TMEM232: variants seen among roughly 807,000 people sequenced by gnomAD.
TMEM232 encodes transmembrane protein 232.
Under a neutral mutation model 78.8 loss-of-function variants are expected in TMEM232, and 80 were observed. That is an observed-to-expected ratio of 1.01 (90% CI 0.85 to 1.22). The LOEUF (loss-of-function observed/expected upper bound fraction) is 1.22. TMEM232 is among the 50% of genes most tolerant of loss of function. The probability of loss-of-function intolerance (pLI) is 0.00; values close to 1 mark genes in which losing one functional copy is unlikely to be tolerated. For missense variants in TMEM232, 881 were observed against 742.2 expected (o/e 1.19, Z -2.17); for synonymous variants, 297 against 254.3 (o/e 1.17, Z -1.60).
At chr5:110,461,243 C>T (rs553702714) in intron 12 of TMEM232, among the ~76,000 whole-genome samples, 1 of 150,580 alleles carries the variant, frequency 6.6e-6, no homozygotes, top group South Asian at 2.1e-4. Context: ...CTCTAGTGAG[C>T]ACATGAATGA....
downstream of TMEM232, among the ~76,000 whole-genome samples, chr5:110,416,640 GA>G (rs1275951679): frequency 6.6e-6 from 1 of 152,134 alleles, no homozygotes; most frequent in Non-Finnish European, 1.5e-5. Flanking sequence ...GAAGCAATAT[GA>G]AAAAGGACAC....
At chr5:110,393,075 G>T (rs978365392) in intron 3 of TMEM232, among the ~76,000 whole-genome samples, 3 of 152,142 alleles carry the variant, frequency 2.0e-5, no homozygotes, top group African/African-American at 4.8e-5. Context: ...ATTGATGTTT[G>T]TCTTATAGTA....
chr5:110,434,460 A>G (rs1758194380), intron 12 of TMEM232, among the ~76,000 whole-genome samples: 1 of 151,510 alleles, frequency 6.6e-6, no homozygotes. Context: ...TTGAATAAGT[A>G]ATAATAATAA....
At chr5:110,424,800 A>T in intron 13 of TMEM232, 23 bp downstream of exon 13, 2 of 1,511,020 alleles carry the variant, frequency 1.3e-6, no homozygotes, top group Non-Finnish European at 1.8e-6. Flanking sequence ...TTTTGCTGCT[A>T]GTTAAAAAAA....
chr5:110,633,387 C>G (rs149182822), intron 5 of TMEM232, among the ~76,000 whole-genome samples: 1,526 of 152,174 alleles, frequency 0.01, 34 homozygotes, highest in African/African-American at 0.034. Flanking sequence ...CAGGGACAAA[C>G]AACAAGAGGA....
At chr5:110,716,233 G>A (rs886745972) in intron 1 of TMEM232, among the ~76,000 whole-genome samples, 16 of 152,176 alleles carry the variant, frequency 1.1e-4, no homozygotes, top group East Asian at 1.9e-4. Flanking sequence ...AGGGGGCCCC[G>A]ATCTTTTTGG....
intron 10 of TMEM232, among the ~76,000 whole-genome samples, chr5:110,594,335 C>T (rs2149784685): frequency 6.6e-6 from 1 of 152,258 alleles, no homozygotes; most frequent in South Asian, 2.1e-4. Flanking sequence ...CCCTCCTGTG[C>T]CTATACCACC....
At position 110,571,695 on chromosome 5, in the gene TMEM232, G is replaced by GTT. The variant is rs146028936; in HGVS notation, c.1277-3072_1277-3071dup. 8.8e-4 allele frequency among the ~76,000 whole-genome samples: 128 copies of GTT among 146,144 alleles called. 2 individuals carry two copies. In the South Asian group the frequency reaches 0.022, roughly 25 times the overall value. ...TTTTGTTTGTTTGTTTTGTTTTTTTGTTTTTTTTTTAAATTAGCTGGGCAT... is the reference window on the plus strand; with the variant it reads ...TTTTGTTTGTTTGTTTTGTTTTTTTGTTTTTTTTTTTTAAATTAGCTGGGCAT... On this transcript the variant is annotated intron_variant, in intron 10 of 13. Coordinates refer to ENST00000455884, the MANE Select transcript of TMEM232 (RefSeq NM_001039763.4).
chr5:110,704,293 T>C (rs1048185468), intron 1 of TMEM232, among the ~76,000 whole-genome samples: 2 of 152,058 alleles, frequency 1.3e-5, no homozygotes, highest in African/African-American at 2.4e-5. Flanking sequence ...ACTGTGCAAC[T>C]AAACTTGATA....
At chr5:110,696,296 C>T (rs1177168577) in intron 1 of TMEM232, among the ~76,000 whole-genome samples, 19 of 152,076 alleles carry the variant, frequency 1.2e-4, no homozygotes, top group East Asian at 5.8e-4. Flanking sequence ...ATTGATGGGA[C>T]GTATCTCAAA....
intron 12 of TMEM232, among the ~76,000 whole-genome samples, chr5:110,511,039 C>A (rs1402406848): frequency 6.6e-6 from 1 of 152,126 alleles, no homozygotes; most frequent in Non-Finnish European, 1.5e-5. Context: ...GACTTGGAGA[C>A]AACCCAAATG....
At chr5:110,717,697 G>A (rs1797159751) in intron 1 of TMEM232, among the ~76,000 whole-genome samples, 1 of 152,098 alleles carries the variant, frequency 6.6e-6, no homozygotes, top group African/African-American at 2.4e-5. Context: ...ATCATGGGGT[G>A]GTTTCTTCCA....
At chr5:110,600,351 CA>C (rs369901226) in intron 10 of TMEM232, among the ~76,000 whole-genome samples, 1 of 151,754 alleles carries the variant, frequency 6.6e-6, no homozygotes, top group African/African-American at 2.4e-5. Flanking sequence ...AAAAGTCCTT[CA>C]AAAAAATCAA....
intron 1 of TMEM232, among the ~76,000 whole-genome samples, chr5:110,669,449 A>T (rs2150138559): frequency 6.6e-6 from 1 of 152,344 alleles, no homozygotes; most frequent in East Asian, 1.9e-4. Context: ...GAATCCCTGA[A>T]TAGACCAATA....
At position 110,618,477 on chromosome 5, in the gene TMEM232, A is replaced by G; in HGVS notation, c.854T>C (p.Val285Ala). 1.9e-6 allele frequency: 3 copies of G among 1,551,706 alleles called. No homozygotes were observed. The highest frequency in any genetic ancestry group is 2.6e-6 in the Non-Finnish European group (3 of 1,146,874). ...VQNNSPQLNN[V>A]LEHLVFHKTQ... ...CTTATGGAAGACGAGATGTTCAAGC[A>G]CGTTATTCAACTGAGGACTGTTATT... The change falls in exon 8 of 14, where the codon GTG (valine) becomes GCG (alanine). Residue 285 changes from valine to alanine, a missense_variant. Coordinates refer to ENST00000455884, the MANE Select transcript of TMEM232 (RefSeq NM_001039763.4).
chr5:110,422,640 C>T (rs1038203538), intron 13 of TMEM232, among the ~76,000 whole-genome samples: 6 of 148,662 alleles, frequency 4.0e-5, no homozygotes, highest in African/African-American at 1.5e-4. Flanking sequence ...AGCATCAGTA[C>T]ATATAAAAGC....
chr5:110,695,220 T>C (rs1376301166), intron 1 of TMEM232, among the ~76,000 whole-genome samples: 1 of 152,034 alleles, frequency 6.6e-6, no homozygotes, highest in African/African-American at 2.4e-5. Context: ...CATAAAGAAA[T>C]GAAGGCAGAA....
chr5:110,672,148 G>C (rs563487667), intron 1 of TMEM232, among the ~76,000 whole-genome samples: 3 of 152,148 alleles, frequency 2.0e-5, no homozygotes, highest in African/African-American at 7.2e-5. Context: ...ATATTTCACA[G>C]AGTTGGCTAT....
At chr5:110,618,604 T>A in intron 7 of TMEM232, 42 bp from the exon 8 acceptor site, 1 of 1,507,010 alleles carries the variant, frequency 6.6e-7, no homozygotes, top group Non-Finnish European at 8.9e-7. Flanking sequence ...AATATAAAAA[T>A]ATATGAGAAA....
Sources: gnomAD v4.1 joint callset for allele counts (sites outside exome capture counted in the v4.1 genomes callset) on GRCh38, gnomAD v4.1.1 for gene constraint, MANE v1.5 for transcripts, NCBI Gene and HGNC (gene_info 2026-07-23, HGNC 2026-07-21) for gene names.